Variants in SOX5 observed in about 807,000 individuals in gnomAD.
SOX5 encodes SRY-box transcription factor 5.
In SOX5, 9 loss-of-function variants were observed where a neutral mutation model predicts 92.0. That is an observed-to-expected ratio of 0.10 (90% CI 0.06 to 0.17). The LOEUF (loss-of-function observed/expected upper bound fraction) is 0.17. Ranked by LOEUF, SOX5 falls within the 10% of genes least tolerant of loss-of-function variation. SOX5 has a pLI of 1.00. For missense variants in SOX5, 642 were observed against 944.5 expected (o/e 0.68, Z 4.20); for synonymous variants, 344 against 336.3 (o/e 1.02, Z -0.25).
At chr12:23,958,995 A>G (rs1336331452) in intron 4 of SOX5, among the ~76,000 whole-genome samples, 1 of 151,884 alleles carries the variant, frequency 6.6e-6, no homozygotes, top group East Asian at 1.9e-4. Flanking sequence ...TGATGAACTC[A>G]TTCACATACA....
intron 1 of SOX5, among the ~76,000 whole-genome samples, chr12:24,538,529 A>C (rs897482042): frequency 6.6e-6 from 1 of 151,724 alleles, no homozygotes; most frequent in African/African-American, 2.4e-5. Flanking sequence ...CCAGGGTTTC[A>C]AGCAACAAAT....
At chr12:23,838,854 G>GGA (rs2096473656) in intron 3 of SOX5, among the ~76,000 whole-genome samples, 3 of 93,558 alleles carry the variant, frequency 3.2e-5, no homozygotes, top group Non-Finnish European at 4.3e-5. Context: ...GGGGGGGGGG[G>GGA]GCGGGGATGG....
intron 1 of SOX5, among the ~76,000 whole-genome samples, chr12:24,402,594 G>T (rs1182698427): frequency 6.6e-6 from 1 of 152,070 alleles, no homozygotes; most frequent in African/African-American, 2.4e-5. Context: ...TACAATTTGG[G>T]GGCCCTTTTA....
intron 1 of SOX5, among the ~76,000 whole-genome samples, chr12:24,494,679 T>C (rs1947437398): frequency 6.6e-6 from 1 of 152,162 alleles, no homozygotes; most frequent in Admixed American, 6.5e-5. Context: ...GTGTAAGGCA[T>C]AACATTCTAA....
intron 4 of SOX5, among the ~76,000 whole-genome samples, chr12:24,103,886 T>G (rs915470401): frequency 5.3e-5 from 8 of 152,128 alleles, no homozygotes; most frequent in Non-Finnish European, 7.3e-5. Context: ...AATGCCAATG[T>G]TTTCCTTCCT....
intron 4 of SOX5, among the ~76,000 whole-genome samples, chr12:24,072,795 A>G (rs12314048): frequency 0.018 from 2,691 of 152,344 alleles, 77 homozygotes; most frequent in African/African-American, 0.061. Flanking sequence ...ACTTCATGGT[A>G]TAATGATTGC....
chr12:23,652,650 C>T (rs1399729271), intron 7 of SOX5, among the ~76,000 whole-genome samples: 1 of 151,702 alleles, frequency 6.6e-6, no homozygotes, highest in African/African-American at 2.4e-5. Flanking sequence ...CACTTAGTGA[C>T]ACTCAGTCAC....
intron 7 of SOX5, 118 bp from the exon 8 acceptor site, chr12:23,641,015 GA>G (rs1432442584): frequency 4.6e-5 from 30 of 654,058 alleles, no homozygotes; most frequent in Non-Finnish European, 2.6e-6. Flanking sequence ...GAGGCCTAAT[GA>G]AAAGCTCTAT....
chr12:24,525,476 T>C (rs775929883), intron 1 of SOX5, among the ~76,000 whole-genome samples: 1 of 152,142 alleles, frequency 6.6e-6, no homozygotes, highest in Non-Finnish European at 1.5e-5. Context: ...TACCTATAGT[T>C]AAAAATAGTG....
intron 2 of SOX5, among the ~76,000 whole-genome samples, chr12:23,885,756 T>C (rs902148059): frequency 1.3e-5 from 2 of 152,122 alleles, no homozygotes; most frequent in African/African-American, 4.8e-5. Context: ...CCATTTACAA[T>C]TGTCACCTTA....
At chr12:24,473,522 G>A (rs566275340) in intron 1 of SOX5, among the ~76,000 whole-genome samples, 2 of 152,318 alleles carry the variant, frequency 1.3e-5, no homozygotes, top group Admixed American at 6.5e-5. Flanking sequence ...CTCCATTTGT[G>A]AAACTTCACT....
intron 10 of SOX5, among the ~76,000 whole-genome samples, chr12:23,573,381 A>C (rs1948662491): frequency 6.6e-6 from 1 of 152,224 alleles, no homozygotes; most frequent in African/African-American, 2.4e-5. Flanking sequence ...CTACCTGTCC[A>C]TGAACTCCAA....
At chr12:24,351,431 C>A (rs193218100) in intron 2 of SOX5, among the ~76,000 whole-genome samples, 1 of 152,080 alleles carries the variant, frequency 6.6e-6, no homozygotes, top group Non-Finnish European at 1.5e-5. Context: ...TCCAGTGACT[C>A]CTAGAAAAAG....
At chr12:23,869,829 T>C (rs1208632220) in intron 2 of SOX5, among the ~76,000 whole-genome samples, 2 of 152,112 alleles carry the variant, frequency 1.3e-5, no homozygotes, top group Non-Finnish European at 2.9e-5. Context: ...TATACTCCCA[T>C]GACATATCTT....
chr12:23,711,415 T>A (rs2092040648), intron 6 of SOX5, among the ~76,000 whole-genome samples: 1 of 152,208 alleles, frequency 6.6e-6, no homozygotes, highest in South Asian at 2.1e-4. Flanking sequence ...AGTGTATGTG[T>A]CTATATGCAT....
intron 1 of SOX5, among the ~76,000 whole-genome samples, chr12:24,491,150 G>T (rs989403110): frequency 6.6e-6 from 1 of 152,114 alleles, no homozygotes; most frequent in Non-Finnish European, 1.5e-5. Flanking sequence ...TGTGCTTGGA[G>T]TGAAGGGCCT....
intron 1 of SOX5, among the ~76,000 whole-genome samples, chr12:23,944,920 T>C (rs1944292410): frequency 6.6e-6 from 1 of 152,282 alleles, no homozygotes; most frequent in East Asian, 1.9e-4. Flanking sequence ...GTTAGTTTCT[T>C]TCCCAGGCTG....
intron 2 of SOX5, among the ~76,000 whole-genome samples, chr12:24,308,543 T>C (rs1379178229): frequency 6.6e-6 from 1 of 152,180 alleles, no homozygotes; most frequent in Non-Finnish European, 1.5e-5. Context: ...GCAGACCCAT[T>C]TGGATTTGCC....
intron 8 of SOX5, among the ~76,000 whole-genome samples, chr12:23,621,147 A>C (rs1394628862): frequency 6.6e-6 from 1 of 152,104 alleles, no homozygotes; most frequent in Non-Finnish European, 1.5e-5. Context: ...CTTAAAGTAT[A>C]TGTTTGAGGG....
Sources: gnomAD v4.1 joint callset for allele counts (sites outside exome capture counted in the v4.1 genomes callset) on GRCh38, gnomAD v4.1.1 for gene constraint, MANE v1.5 for transcripts, NCBI Gene and HGNC (gene_info 2026-07-23, HGNC 2026-07-21) for gene names.